Variants in DIAPH2 observed in about 807,000 individuals in gnomAD.
The protein encoded by DIAPH2 is diaphanous related formin 2.
Under a neutral mutation model 92.7 loss-of-function variants are expected in DIAPH2, and 35 were observed. The ratio of observed to expected loss-of-function variants is 0.38; its 90% CI spans 0.29 to 0.50. DIAPH2 has a LOEUF of 0.50. Ranked by LOEUF, DIAPH2 falls within the 20% of genes least tolerant of loss-of-function variation. DIAPH2 has a pLI of 0.94. For synonymous variants in DIAPH2, 301 were observed against 280.4 expected, an observed-to-expected ratio of 1.07 and a Z score of -0.73; for missense variants, 701 against 819.5, an observed-to-expected ratio of 0.86 and a Z score of 1.77.
intron 4 of DIAPH2, among the ~76,000 whole-genome samples, chrX:96,796,406 C>A (rs1212668790): frequency 1.8e-5 from 2 of 111,861 alleles, no homozygotes; most frequent in East Asian, 5.7e-4. Flanking sequence ...TCTCAAACTC[C>A]TGACCTCAGG....
At chrX:97,198,490 A>C (rs1164331976) in intron 22 of DIAPH2, among the ~76,000 whole-genome samples, 2 of 111,452 alleles carry the variant, frequency 1.8e-5, no homozygotes, top group African/African-American at 3.3e-5. Context: ...TATGCATATT[A>C]TACATATATA....
chrX:97,307,383 GGAAA>G (rs764831985), intron 23 of DIAPH2, among the ~76,000 whole-genome samples: 2,589 of 111,864 alleles, frequency 0.023, 28 homozygotes, highest in Middle Eastern at 0.042. Flanking sequence ...TCATCTGAAT[GGAAA>G]CCCTTTCATT....
intron 23 of DIAPH2, among the ~76,000 whole-genome samples, chrX:97,304,444 C>G (rs1406228347): frequency 8.9e-6 from 1 of 112,295 alleles, no homozygotes; most frequent in Non-Finnish European, 1.9e-5. Context: ...ATGAAAGAAC[C>G]TCATGTTACA....
At chrX:96,769,801 T>C (rs1488976174) in intron 4 of DIAPH2, among the ~76,000 whole-genome samples, 1 of 112,129 alleles carries the variant, frequency 8.9e-6, no homozygotes, top group African/African-American at 3.2e-5. Flanking sequence ...TGAATGACTG[T>C]TGCAAGAGTT....
chrX:97,265,252 A>G (rs889851152), intron 23 of DIAPH2, among the ~76,000 whole-genome samples: 1 of 111,878 alleles, frequency 8.9e-6, no homozygotes, highest in Non-Finnish European at 1.9e-5. Flanking sequence ...TTGCTCTGCC[A>G]ATCTAGTCAT....
intron 23 of DIAPH2, among the ~76,000 whole-genome samples, chrX:97,323,460 G>A (rs1235750210): frequency 9.5e-6 from 1 of 104,781 alleles, no homozygotes; most frequent in African/African-American, 3.4e-5. Flanking sequence ...GCGTGGTGGC[G>A]GGCGCCTGTA....
intron 4 of DIAPH2, among the ~76,000 whole-genome samples, chrX:96,860,869 C>T (rs1049431693): frequency 1.8e-5 from 2 of 111,398 alleles, no homozygotes; most frequent in African/African-American, 3.3e-5. Context: ...ATTATATAAT[C>T]GTATGTTAGA....
chrX:96,954,098 G>A (rs898172628), intron 15 of DIAPH2: 2 of 112,092 alleles, frequency 1.8e-5, no homozygotes, highest in Admixed American at 1.9e-4. Context: ...ACAAAGCCAC[G>A]GGTGAGGAAG....
At chrX:96,873,397 G>C (rs1264386904) in intron 4 of DIAPH2, among the ~76,000 whole-genome samples, 2 of 110,979 alleles carry the variant, frequency 1.8e-5, no homozygotes, top group Non-Finnish European at 3.8e-5. Context: ...TTTGTTGATT[G>C]TTTGCTTTGC....
intron 25 of DIAPH2, among the ~76,000 whole-genome samples, chrX:97,427,751 G>C (rs186177478): frequency 1.8e-5 from 2 of 110,798 alleles, no homozygotes; most frequent in Non-Finnish European, 1.9e-5. Flanking sequence ...TACAATCTCA[G>C]CTCACTGTAA....
intron 23 of DIAPH2, among the ~76,000 whole-genome samples, chrX:97,318,728 A>G (rs2068864085): frequency 9.2e-6 from 1 of 108,270 alleles, no homozygotes; most frequent in African/African-American, 3.4e-5. Context: ...CAAGTGATCC[A>G]CCCGCCTTAG....
At chrX:97,282,253 G>A (rs2068504205) in intron 23 of DIAPH2, among the ~76,000 whole-genome samples, 1 of 111,658 alleles carries the variant, frequency 9.0e-6, no homozygotes, top group South Asian at 3.8e-4. Context: ...GAAGTGCTAA[G>A]TTGTAATTCC....
intron 5 of DIAPH2, among the ~76,000 whole-genome samples, chrX:96,905,176 T>A (rs2065424921): frequency 8.9e-6 from 1 of 112,024 alleles, no homozygotes; most frequent in Admixed American, 9.5e-5. Context: ...GTTTCTAATT[T>A]TAGCTTTAAC....
chrX:96,733,375 G>GA (rs1387346244), intron 1 of DIAPH2, among the ~76,000 whole-genome samples: 1 of 111,188 alleles, frequency 9.0e-6, no homozygotes, highest in African/African-American at 3.3e-5. Flanking sequence ...GGGCCATGGA[G>GA]AAAGAGCATT....
intron 4 of DIAPH2, among the ~76,000 whole-genome samples, chrX:96,814,799 C>T (rs233683): frequency 9.0e-6 from 1 of 110,534 alleles, no homozygotes; most frequent in African/African-American, 3.3e-5. Context: ...AGATGCAGGT[C>T]TGTTGGTGTT....
At chrX:96,685,223 G>A in intron 1 of DIAPH2, 33 bp downstream of exon 1, 4 of 985,853 alleles carry the variant, frequency 4.1e-6, no homozygotes, top group Non-Finnish European at 5.2e-6. Flanking sequence ...CCGGCCTTAG[G>A]GACAGGGAGA....
Position 97,599,381 on chromosome X carries a change from C to A in DIAPH2, c.*64C>A. 2 of 808,320 alleles carry A rather than the reference C, an allele frequency of 2.5e-6. No homozygotes were observed. Among genetic ancestry groups the A allele is most frequent in the South Asian group, 4.6e-5 (2 of 43,184 alleles). The allele number at this position is 808,320 out of a possible 1,213,427, so 66.6% of individuals were successfully genotyped here. A position where few individuals can be genotyped will look rare whatever the true frequency, so the allele number is the denominator to read the frequency against. Reference sequence around the variant, plus strand: ...ACAAAATGATGCATTTTGAGAAGAACAAAGTGTGCACTCAGCGGCTGGAAA... The same window carrying A: ...ACAAAATGATGCATTTTGAGAAGAAAAAAGTGTGCACTCAGCGGCTGGAAA... On this transcript the variant is annotated 3_prime_UTR_variant, in exon 27 of 27. Coordinates refer to ENST00000324765, the MANE Select transcript of DIAPH2 (RefSeq NM_006729.5).
chrX:96,934,650 T>A (rs1168745882), intron 10 of DIAPH2, among the ~76,000 whole-genome samples: 3 of 99,808 alleles, frequency 3.0e-5, no homozygotes, highest in African/African-American at 1.1e-4. Context: ...AATTTAGATG[T>A]TGAAAAATAG....
At chrX:97,248,301 G>C (rs2068158942) in intron 23 of DIAPH2, among the ~76,000 whole-genome samples, 1 of 111,320 alleles carries the variant, frequency 9.0e-6, no homozygotes, top group Non-Finnish European at 1.9e-5. Flanking sequence ...GACTGTGAAG[G>C]ATAAATGGAT....
Sources: allele counts gnomAD v4.1 joint callset (sites outside exome capture counted in the v4.1 genomes callset), GRCh38; gene constraint gnomAD v4.1.1; transcripts MANE v1.5; gene names NCBI Gene and HGNC (gene_info 2026-07-23, HGNC 2026-07-21).